The following ZNHIT6 variants were observed in gnomAD, a reference collection of about 807,000 sequenced individuals.
ZNHIT6 encodes zinc finger HIT-type containing 6.
ZNHIT6 carries 45 observed loss-of-function variants against 57.2 expected under a neutral mutation model. The observed-to-expected ratio is 0.79, with a 90% CI of 0.62 to 1.01. The LOEUF is 1.01. Among genes scored for constraint, ZNHIT6 ranks in the 50% least tolerant of loss-of-function variants. The probability of loss-of-function intolerance (pLI) is 0.00; values close to 1 mark genes in which losing one functional copy is unlikely to be tolerated. For synonymous variants in ZNHIT6, 188 were observed against 190.0 expected (o/e 0.99, Z 0.09); for missense variants, 528 against 567.3 (o/e 0.93, Z 0.70).
chr1:85,708,272 C>T lies in ZNHIT6; in HGVS notation c.13G>A (p.Ala5Thr), dbSNP rs759360887. MEFA[A>T]ENEGKSGGGL... ...CCCCCAGACTTCCCTTCATTTTCAG[C>T]AGCAAACTCCATCAACTCACGATCC... Residue 5 changes from alanine (A) to threonine (T), a missense_variant, in exon 1 of 10, where the codon GCT becomes ACT. Transcript: ENST00000370574. 6.3e-7 allele frequency: 1 copy of T among 1,599,246 alleles called. No individual in the cohort carries two copies. The highest frequency in any genetic ancestry group is 8.5e-7 in the Non-Finnish European group (1 of 1,170,868).
At chr1:85,676,585 T>C (rs1404297884) in intron 8 of ZNHIT6, among the ~76,000 whole-genome samples, 2 of 152,114 alleles carry the variant, frequency 1.3e-5, no homozygotes, top group Non-Finnish European at 2.9e-5. Context: ...GGCCATTGTG[T>C]GGTTATTAAT....
At chr1:85,702,125 A>G in intron 5 of ZNHIT6, 32 bp downstream of exon 5, 1 of 1,412,898 alleles carries the variant, frequency 7.1e-7, no homozygotes, top group Non-Finnish European at 9.9e-7. Flanking sequence ...TCAAATCAGA[A>G]TACCTGATAT....
chr1:85,670,780 G>T lies in ZNHIT6; in HGVS notation c.1247+6456C>A, dbSNP rs117015884. Among the ~76,000 whole-genome samples, 52 of 152,250 alleles carry T rather than the reference G, an allele frequency of 3.4e-4. No individual in the cohort carries two copies. In the East Asian group the frequency reaches 9.1e-3, roughly 27 times the overall value. On this transcript the variant is annotated intron_variant, in intron 8 of 9. Transcript: ENST00000370574. ...AGGAATGGAGAAGAAAGGACAAATG[G>T]AAGACTCATTGTGGATGTCAATTAC...
chr1:85,705,386 T>C (rs1662657433), intron 4 of ZNHIT6, among the ~76,000 whole-genome samples: 1 of 152,102 alleles, frequency 6.6e-6, no homozygotes, highest in Non-Finnish European at 1.5e-5. Context: ...GGCTAATTTT[T>C]GTATTGTTTT....
intron 4 of ZNHIT6, among the ~76,000 whole-genome samples, chr1:85,703,608 C>T (rs1662599198): frequency 6.6e-6 from 1 of 152,082 alleles, no homozygotes; most frequent in Admixed American, 6.6e-5. Context: ...AATGGGAACT[C>T]CTCTGTATAT....
At chr1:85,682,772 A>G (rs1251051457) in intron 5 of ZNHIT6, among the ~76,000 whole-genome samples, 5 of 152,216 alleles carry the variant, frequency 3.3e-5, no homozygotes, top group Non-Finnish European at 5.9e-5. Flanking sequence ...CAATGCACCC[A>G]TATTCAGATT....
intron 5 of ZNHIT6, among the ~76,000 whole-genome samples, chr1:85,696,478 T>C (rs975638274): frequency 6.6e-6 from 1 of 152,174 alleles, no homozygotes; most frequent in Non-Finnish European, 1.5e-5. Context: ...CATCATTTAC[T>C]TAACTCAGTC....
intron 5 of ZNHIT6, among the ~76,000 whole-genome samples, chr1:85,686,121 C>T (rs968466966): frequency 6.6e-6 from 1 of 151,780 alleles, no homozygotes; most frequent in East Asian, 1.9e-4. Flanking sequence ...GCCACCACAC[C>T]TGATTAATTC....
chr1:85,662,970 T>A (rs905640673), intron 8 of ZNHIT6, among the ~76,000 whole-genome samples: 5 of 152,226 alleles, frequency 3.3e-5, no homozygotes, highest in Admixed American at 6.5e-5. Flanking sequence ...TAGATATTAT[T>A]TCTTTGAAAT....
chr1:85,687,170 C>T (rs929438675), intron 5 of ZNHIT6, among the ~76,000 whole-genome samples: 1 of 151,246 alleles, frequency 6.6e-6, no homozygotes. Context: ...GTCCTAGCTA[C>T]TCAGCAGGCT....
chr1:85,703,444 T>C (rs1030633745), intron 4 of ZNHIT6, among the ~76,000 whole-genome samples: 1 of 152,022 alleles, frequency 6.6e-6, no homozygotes, highest in Non-Finnish European at 1.5e-5. Flanking sequence ...GATATACCAG[T>C]AGGCCAACAG....
At position 85,667,426 on chromosome 1, in the gene ZNHIT6, C is replaced by T. The variant is rs1265655053; in HGVS notation, c.1248-9455G>A. On this transcript the variant is annotated intron_variant, in intron 8 of 9. Transcript: ENST00000370574. ...TATTCAGGGCCTTCACATTGTTTTG[C>T]TTAAACATAACCTAAAATAATTGTG... is the stretch of plus-strand genomic sequence containing the variant. Among the ~76,000 whole-genome samples, 3 of 152,000 alleles carry T rather than the reference C, an allele frequency of 2.0e-5. No individual in the cohort carries two copies. The East Asian group carries it at 5.8e-4, about 29-fold the overall frequency.
In ZNHIT6 at chr1:85,678,770, T is replaced by G; in HGVS notation, c.1100A>C (p.Asp367Ala). ...TTTTAGGATTTCATTAATAGTTTTA[T>G]CATCTGGTACTCTTTACAACAAAGA... ...AEYIEKRVPDDKTINEILKPY... is the reference protein window; with the variant it reads ...AEYIEKRVPDAKTINEILKPY... The change falls in exon 7 of 10, where the codon GAT (aspartate) becomes GCT (alanine). Residue 367 changes from aspartate to alanine, a missense_variant. Physicochemically the swap from Asp to Ala is moderately radical, Grantham distance 126 (BLOSUM62 -2). Coordinates refer to ENST00000370574, the MANE Select transcript of ZNHIT6 (RefSeq NM_017953.4). 1.3e-6 allele frequency: 2 copies of G among 1,564,158 alleles called. No homozygotes were observed. Among genetic ancestry groups the G allele is most frequent in the South Asian group, 2.3e-5 (2 of 85,770 alleles).
chr1:85,666,595 A>T (rs952031071), intron 8 of ZNHIT6, among the ~76,000 whole-genome samples: 5 of 152,158 alleles, frequency 3.3e-5, no homozygotes, highest in African/African-American at 4.8e-5. Context: ...AGTTGAGCTT[A>T]TATCTGTCCG....
intron 8 of ZNHIT6, among the ~76,000 whole-genome samples, chr1:85,663,744 A>G (rs533550509): frequency 5.4e-4 from 83 of 152,308 alleles, no homozygotes; most frequent in Middle Eastern, 6.8e-3. Context: ...TGGTGGTAAA[A>G]AACTCCCTCA....
intron 8 of ZNHIT6, among the ~76,000 whole-genome samples, chr1:85,673,117 A>C (rs962050829): frequency 2.0e-5 from 3 of 152,152 alleles, no homozygotes; most frequent in African/African-American, 7.2e-5. Context: ...TAAGGCGGCA[A>C]AGGGCAAGAA....
chr1:85,702,370 C>T, intron 4 of ZNHIT6, 110 bp from the exon 5 acceptor site: 2 of 663,546 alleles, frequency 3.0e-6, no homozygotes, highest in Admixed American at 2.9e-5. Context: ...CTAAGTGTTA[C>T]AACAGCTCTA....
At position 85,657,989 on chromosome 1, in the gene ZNHIT6, A is replaced by AC. The variant is rs758656347; in HGVS notation, c.1248-19dup. Reference sequence around the variant, plus strand: ...CATAATATCTTATTAATAAAAAAAAACAAAAAACCAGGAAACACTCTTAAT... The same window carrying AC: ...CATAATATCTTATTAATAAAAAAAAACCAAAAAACCAGGAAACACTCTTAAT... On this transcript the variant is annotated intron_variant, in intron 8 of 9. Transcript: ENST00000370574. The AC allele has an allele frequency of 1.1e-5, 16 of 1,406,162 alleles. No homozygotes were observed. The African/African-American group carries it at 1.9e-4, about 17-fold the overall frequency. The allele number at this position is 1,406,162 out of a possible 1,614,324, so 87.1% of individuals were successfully genotyped here. A position where few individuals can be genotyped will look rare whatever the true frequency, so the allele number is the denominator to read the frequency against.
chr1:85,673,829 A>G (rs1057369665), intron 8 of ZNHIT6, among the ~76,000 whole-genome samples: 8 of 152,214 alleles, frequency 5.3e-5, no homozygotes, highest in Non-Finnish European at 8.8e-5. Flanking sequence ...ATTCATGAGT[A>G]TGTTACAGAG....
Sources: gnomAD v4.1 joint callset for allele counts (sites outside exome capture counted in the v4.1 genomes callset) on GRCh38, gnomAD v4.1.1 for gene constraint, MANE v1.5 for transcripts, NCBI Gene and HGNC (gene_info 2026-07-23, HGNC 2026-07-21) for gene names.